RBFOX1: variants seen among roughly 807,000 people sequenced by gnomAD.
RBFOX1 encodes the protein RNA binding protein fox-1 homolog 1.
Under a neutral mutation model 57.7 loss-of-function variants are expected in RBFOX1, and 8 were observed. The ratio of observed to expected loss-of-function variants is 0.14; its 90% CI spans 0.08 to 0.25. The LOEUF is 0.25. RBFOX1 is among the 10% of genes least tolerant of loss of function. The probability of loss-of-function intolerance (pLI) is 1.00; values close to 1 mark genes in which losing one functional copy is unlikely to be tolerated. For missense variants in RBFOX1, 611 were observed against 548.5 expected (o/e 1.11, Z -1.14); for synonymous variants, 326 against 222.4 (o/e 1.47, Z -4.15).
At chr16:6,767,281 A>G (rs2154208259) in intron 3 of RBFOX1, among the ~76,000 whole-genome samples, 1 of 152,170 alleles carries the variant, frequency 6.6e-6, no homozygotes, top group Non-Finnish European at 1.5e-5. Flanking sequence ...AAGGAGACTC[A>G]GTCTCAGAAC....
chr16:5,587,287 C>G (rs548797855), intron 2 of RBFOX1, among the ~76,000 whole-genome samples: 1 of 152,146 alleles, frequency 6.6e-6, no homozygotes. Context: ...ATAGACATTC[C>G]TCCAAAGAAG....
chr16:6,370,838 G>A (rs778740391), intron 2 of RBFOX1, among the ~76,000 whole-genome samples: 3 of 152,208 alleles, frequency 2.0e-5, no homozygotes, highest in Non-Finnish European at 2.9e-5. Context: ...TAAGTTTTAT[G>A]TAATGTATAT....
chr16:7,005,212 T>C (rs2093192547), intron 3 of RBFOX1, among the ~76,000 whole-genome samples: 1 of 152,124 alleles, frequency 6.6e-6, no homozygotes, highest in Non-Finnish European at 1.5e-5. Context: ...TTTTTGTGTG[T>C]GGGACATACA....
At chr16:5,390,648 G>T (rs564014075) in intron 1 of RBFOX1, among the ~76,000 whole-genome samples, 4 of 151,984 alleles carry the variant, frequency 2.6e-5, no homozygotes, top group African/African-American at 9.7e-5. Context: ...TTAGCCAGGC[G>T]AATCTCCCTC....
intron 1 of RBFOX1, among the ~76,000 whole-genome samples, chr16:6,036,015 C>T (rs577591856): frequency 6.6e-6 from 1 of 152,152 alleles, no homozygotes; most frequent in African/African-American, 2.4e-5. Flanking sequence ...TACTATCATC[C>T]TATGTATTAT....
chr16:7,519,420 C>T (rs919109964), intron 5 of RBFOX1, among the ~76,000 whole-genome samples: 3 of 152,054 alleles, frequency 2.0e-5, no homozygotes, highest in African/African-American at 7.2e-5. Flanking sequence ...CTTTATACGC[C>T]ATAAAGAGTA....
chr16:6,660,468 G>A (rs1029969), intron 3 of RBFOX1, among the ~76,000 whole-genome samples: 112,955 of 151,918 alleles, frequency 0.74, 42,056 homozygotes, highest in Admixed American at 0.78. Flanking sequence ...CACTTGCCCA[G>A]GATTATTCAG....
rs2059419668 is a variant in RBFOX1 at position 5,947,299 on chromosome 16, G to T, written c.351+79964G>T. On this transcript the variant is annotated intron_variant, in intron 4 of 19. Coordinates refer to the RBFOX1 transcript ENST00000641259. This position sits in a 1 kb window ranked among gnomAD's most constrained non-coding sequence, Gnocchi z 7.2. ...GGAGGTGGCCAAGCTGAGGTCAGAGGGGGAGGTCAGATCGCCATCGAATGG... is the reference window on the plus strand; with the variant it reads ...GGAGGTGGCCAAGCTGAGGTCAGAGTGGGAGGTCAGATCGCCATCGAATGG... Among the ~76,000 whole-genome samples, 1 of 152,162 alleles carries T rather than the reference G, an allele frequency of 6.6e-6. No individual in the cohort carries two copies.
At chr16:7,212,013 C>T (rs756083873) in intron 4 of RBFOX1, among the ~76,000 whole-genome samples, 5 of 152,126 alleles carry the variant, frequency 3.3e-5, no homozygotes, top group Non-Finnish European at 5.9e-5. Context: ...CCTGCCTTGC[C>T]TGGCTGAGTC....
intron 3 of RBFOX1, among the ~76,000 whole-genome samples, chr16:6,717,873 T>C (rs1015416957): frequency 3.3e-5 from 5 of 151,866 alleles, no homozygotes; most frequent in East Asian, 1.9e-4. Flanking sequence ...CTAGAGCAGA[T>C]CTGGATATGT....
At chr16:7,150,158 A>T (rs1170235418) in intron 4 of RBFOX1, among the ~76,000 whole-genome samples, 1 of 152,150 alleles carries the variant, frequency 6.6e-6, no homozygotes, top group Non-Finnish European at 1.5e-5. Context: ...TCCTATTAGC[A>T]GCCTCCTTCT....
At chr16:5,243,702 G>A (rs550912021) in intron 1 of RBFOX1, among the ~76,000 whole-genome samples, 40 of 152,260 alleles carry the variant, frequency 2.6e-4, no homozygotes, top group African/African-American at 9.4e-4. Context: ...ATGTTTGAGG[G>A]TGACAGTGTT....
At chr16:7,212,987 T>G (rs1265672021) in intron 4 of RBFOX1, among the ~76,000 whole-genome samples, 1 of 152,210 alleles carries the variant, frequency 6.6e-6, no homozygotes, top group African/African-American at 2.4e-5. Flanking sequence ...GACTTGATCC[T>G]TCCAGTCATC....
chr16:6,093,134 A>G (rs2096200432), intron 1 of RBFOX1, among the ~76,000 whole-genome samples: 1 of 152,254 alleles, frequency 6.6e-6, no homozygotes, highest in Admixed American at 6.5e-5. Flanking sequence ...ATCCCCAAAA[A>G]GATGCAATTA....
intron 3 of RBFOX1, among the ~76,000 whole-genome samples, chr16:5,759,091 C>T (rs544592559): frequency 2.0e-5 from 3 of 152,200 alleles, no homozygotes. Flanking sequence ...CTAGTATATA[C>T]TTCTCTGAAG....
chr16:7,278,251 C>T (rs1354488386), intron 4 of RBFOX1, among the ~76,000 whole-genome samples: 1 of 152,150 alleles, frequency 6.6e-6, no homozygotes, highest in Non-Finnish European at 1.5e-5. Flanking sequence ...TCACAAACCC[C>T]TTGATTGAAT....
intron 3 of RBFOX1, among the ~76,000 whole-genome samples, chr16:5,769,872 T>G (rs2151672245): frequency 6.6e-6 from 1 of 152,276 alleles, no homozygotes. Context: ...CAATTTGTGG[T>G]ACTTTGTCAT....
At chr16:7,279,674 C>A (rs2095504394) in intron 4 of RBFOX1, among the ~76,000 whole-genome samples, 1 of 152,214 alleles carries the variant, frequency 6.6e-6, no homozygotes, top group African/African-American at 2.4e-5. Flanking sequence ...TCTATGGTCA[C>A]ATCATTCTAT....
intron 6 of RBFOX1, among the ~76,000 whole-genome samples, chr16:7,586,462 C>T (rs905802604): frequency 6.6e-6 from 1 of 152,140 alleles, no homozygotes; most frequent in Non-Finnish European, 1.5e-5. Context: ...AAGACACAGT[C>T]GTTGAATTTG....
Sources: gnomAD v4.1 joint callset for allele counts (sites outside exome capture counted in the v4.1 genomes callset) on GRCh38, gnomAD v4.1.1 for gene constraint, Gnocchi (gnomAD v3.1) non-coding constraint, MANE v1.5 for transcripts, NCBI Gene and HGNC (gene_info 2026-07-23, HGNC 2026-07-21) for gene names.